Variants in RASSF8 observed in about 807,000 individuals in gnomAD.
RASSF8 encodes ras association domain-containing protein 8.
A neutral mutation model predicts 48.5 loss-of-function variants in RASSF8; 22 were observed. The ratio of observed to expected loss-of-function variants is 0.45; its 90% CI spans 0.32 to 0.65. The LOEUF (loss-of-function observed/expected upper bound fraction) is 0.65, where lower values mean the gene tolerates loss of function less well. Among genes scored for constraint, RASSF8 ranks in the 30% least tolerant of loss-of-function variants. The pLI is 0.03. For missense variants in RASSF8, 418 were observed against 489.2 expected (o/e 0.85, Z 1.37); for synonymous variants, 127 against 171.5 (o/e 0.74, Z 2.03).
chr12:26,058,269 A>C (rs1943654719), intron 3 of RASSF8, among the ~76,000 whole-genome samples: 1 of 152,222 alleles, frequency 6.6e-6, no homozygotes, highest in South Asian at 2.1e-4. Context: ...AGATGACTCC[A>C]CTGGCAAGTA....
Position 26,001,199 on chromosome 12 carries a change from A to ATT in RASSF8, c.-109+6084_-109+6085dup, listed in dbSNP as rs34731435. 3.1e-3 allele frequency among the ~76,000 whole-genome samples: 428 copies of ATT among 136,952 alleles called. 5 individuals carry two copies. Among genetic ancestry groups the ATT allele is most frequent in the South Asian group, 0.019 (84 of 4,364 alleles). 89.8% of individuals were successfully genotyped at this position (136,952 alleles called of 152,430 possible). On this transcript the variant is annotated intron_variant, in intron 2 of 5. Coordinates refer to ENST00000689635, the MANE Select transcript of RASSF8 (RefSeq NM_001394098.1). ...TTCCATCATACCCGGCTAATTTTTA[A>ATT]TTTTTTTTTTTTTTTTGTAGAAACA...
chr12:26,055,310 C>T lies in RASSF8; in HGVS notation c.-34C>T. On this transcript the variant is annotated 5_prime_UTR_variant, in exon 3 of 6. Transcript: ENST00000689635. ...ACATGACCTAACACCCTGATGACCACTCTCAGGGACCTTGAGTGACTGGCC... is the reference window on the plus strand; with the variant it reads ...ACATGACCTAACACCCTGATGACCATTCTCAGGGACCTTGAGTGACTGGCC... 3.9e-6 allele frequency: 6 copies of T among 1,554,226 alleles called. No individual in the cohort carries two copies. The highest frequency in any genetic ancestry group is 5.3e-6 in the Non-Finnish European group (6 of 1,125,502).
chr12:26,035,040 T>C (rs1565629349), intron 2 of RASSF8, among the ~76,000 whole-genome samples: 1 of 152,162 alleles, frequency 6.6e-6, no homozygotes, highest in Non-Finnish European at 1.5e-5. Context: ...CCCTATAAAC[T>C]TTAATAGACG....
At position 26,067,693 on chromosome 12, in the gene RASSF8, C is replaced by T. The variant is rs1943908221; in HGVS notation, c.1118C>T (p.Ser373Leu). 2 of 1,614,168 alleles carry T rather than the reference C, an allele frequency of 1.2e-6. No homozygotes were observed. Among genetic ancestry groups the T allele is most frequent in the African/African-American group, 1.3e-5 (1 of 75,044 alleles). The change falls in exon 5 of 6, where the codon TCA (serine) becomes TTA (leucine). Residue 373 changes from serine (S) to leucine (L), a missense_variant. Transcript: ENST00000689635. ...LPAEPIEIEA[S>L]HADIEREAPF... is the part of the protein sequence containing the mutation. ...GCGGAGCCCATTGAAATAGAGGCCTCACATGCAGACATTGAAAGGGGTAAG... is the reference window on the plus strand; with the variant it reads ...GCGGAGCCCATTGAAATAGAGGCCTTACATGCAGACATTGAAAGGGGTAAG...
chr12:26,047,757 C>T (rs1943402741), intron 2 of RASSF8, among the ~76,000 whole-genome samples: 1 of 152,220 alleles, frequency 6.6e-6, no homozygotes, highest in African/African-American at 2.4e-5. Context: ...GCCTGGGTCC[C>T]TTCAGGGCTG....
intron 4 of RASSF8, among the ~76,000 whole-genome samples, chr12:26,066,178 T>C (rs1943870230): frequency 6.6e-6 from 1 of 152,238 alleles, no homozygotes; most frequent in South Asian, 2.1e-4. Flanking sequence ...CAGTAGCTGC[T>C]GTACGGGCCG....
intron 2 of RASSF8, among the ~76,000 whole-genome samples, chr12:26,003,786 A>G (rs1477938591): frequency 6.6e-6 from 1 of 152,112 alleles, no homozygotes; most frequent in African/African-American, 2.4e-5. Context: ...ATATTTTTAA[A>G]AAAATCTAAG....
At chr12:26,000,268 TGTA>T (rs1182239789) in intron 2 of RASSF8, among the ~76,000 whole-genome samples, 1 of 152,132 alleles carries the variant, frequency 6.6e-6, no homozygotes, top group Non-Finnish European at 1.5e-5. Flanking sequence ...AATGTAAAAA[TGTA>T]GTAATACATA....
intron 2 of RASSF8, among the ~76,000 whole-genome samples, chr12:25,999,446 T>C (rs1312862149): frequency 1.3e-5 from 2 of 152,202 alleles, no homozygotes; most frequent in South Asian, 2.1e-4. Flanking sequence ...TTATCAGTAG[T>C]GTCTAAAATA....
At chr12:26,027,476 A>G (rs546469545) in intron 2 of RASSF8, among the ~76,000 whole-genome samples, 2 of 152,360 alleles carry the variant, frequency 1.3e-5, no homozygotes, top group African/African-American at 4.8e-5. Context: ...TGGCCTGACT[A>G]TAAAAATATT....
intron 2 of RASSF8, among the ~76,000 whole-genome samples, chr12:26,041,270 A>T (rs1943259556): frequency 6.6e-6 from 1 of 152,158 alleles, no homozygotes; most frequent in Admixed American, 6.5e-5. Context: ...GTTGAAACAC[A>T]AGCTGAGTTT....
intron 1 of RASSF8, among the ~76,000 whole-genome samples, chr12:25,971,579 GAAAA>G (rs759901394): frequency 1.4e-5 from 2 of 147,082 alleles, no homozygotes; most frequent in Non-Finnish European, 3.0e-5. Context: ...GGAAAAAAAA[GAAAA>G]AAAAAGAAGA....
Position 26,070,408 on chromosome 12 carries a change from C to T in RASSF8, c.*1590C>T. ...TTCTAGAGAACTGAAAGTCATAATGCAGAGTTGCCTTTTCTAGTGCAGCTA... is the reference window on the plus strand; with the variant it reads ...TTCTAGAGAACTGAAAGTCATAATGTAGAGTTGCCTTTTCTAGTGCAGCTA... On this transcript the variant is annotated 3_prime_UTR_variant, in exon 6 of 6. Coordinates refer to ENST00000689635, the MANE Select transcript of RASSF8 (RefSeq NM_001394098.1). 3 of 985,294 alleles carry T rather than the reference C, an allele frequency of 3.0e-6. No homozygotes were observed. The highest frequency in any genetic ancestry group is 3.6e-6 in the Non-Finnish European group (3 of 829,866). 61.0% of individuals were successfully genotyped at this position (985,294 alleles called of 1,614,324 possible). A position where few individuals can be genotyped will look rare whatever the true frequency, so the allele number is the denominator to read the frequency against.
Position 26,071,957 on chromosome 12 carries a change from C to G in RASSF8, c.*3139C>G, listed in dbSNP as rs2137344715. 1.0e-6 allele frequency: 1 copy of G among 985,366 alleles called. No homozygotes were observed. The highest frequency in any genetic ancestry group is 1.7e-5 in the African/African-American group (1 of 57,346). The allele number at this position is 985,366 out of a possible 1,614,324, so 61.0% of individuals were successfully genotyped here. ...TCTCTGTGAATAAGAGCAAAATGGT[C>G]TTCAGAGAAACAGACTGTTCATTTG... is the stretch of plus-strand genomic sequence containing the variant. On this transcript the variant is annotated 3_prime_UTR_variant, in exon 6 of 6. Coordinates refer to ENST00000689635, the MANE Select transcript of RASSF8 (RefSeq NM_001394098.1).
rs144948000 is a variant in RASSF8, at chr12:26,012,705, G to C, written c.-109+17575G>C. Among the ~76,000 whole-genome samples the C allele has an allele frequency of 8.4e-3, 1,142 of 135,750 alleles. 20 individuals carry two copies. The highest frequency in any genetic ancestry group is 0.03 in the African/African-American group (1,077 of 35,690). 89.1% of individuals were successfully genotyped at this position (135,750 alleles called of 152,430 possible). A position where few individuals can be genotyped will look rare whatever the true frequency, so the allele number is the denominator to read the frequency against. The stretch of plus-strand genomic sequence containing the variant: ...TTCTTTTTTTTTTTTTTTTGAGATA[G>C]GGTCTCACTCTGTTGCCCAGGCTAG... On this transcript the variant is annotated intron_variant, in intron 2 of 5. Coordinates refer to ENST00000689635, the MANE Select transcript of RASSF8 (RefSeq NM_001394098.1).
intron 2 of RASSF8, among the ~76,000 whole-genome samples, chr12:25,995,885 CAT>C (rs10577953): frequency 0.098 from 14,887 of 152,192 alleles, 764 homozygotes; most frequent in Middle Eastern, 0.15. Context: ...CGTGCTGTCT[CAT>C]AAATTCCTTA....
At chr12:26,065,728 T>G (rs1392811573) in intron 4 of RASSF8, among the ~76,000 whole-genome samples, 1 of 152,180 alleles carries the variant, frequency 6.6e-6, no homozygotes, top group Admixed American at 6.5e-5. Context: ...TGGCCAGGGA[T>G]TGTTGTGGCT....
intron 2 of RASSF8, among the ~76,000 whole-genome samples, chr12:26,015,766 G>A (rs1159822936): frequency 2.0e-5 from 3 of 152,136 alleles, no homozygotes; most frequent in African/African-American, 7.2e-5. Context: ...AAAAATAAAC[G>A]AAATTAAAGA....
chr12:26,019,821 G>T (rs1942745530), intron 2 of RASSF8, among the ~76,000 whole-genome samples: 1 of 152,032 alleles, frequency 6.6e-6, no homozygotes, highest in South Asian at 2.1e-4. Flanking sequence ...TTTTAATGCT[G>T]TATTTTAAAC....
Sources: gnomAD v4.1 joint callset for allele counts (sites outside exome capture counted in the v4.1 genomes callset) on GRCh38, gnomAD v4.1.1 for gene constraint, MANE v1.5 for transcripts, NCBI Gene and HGNC (gene_info 2026-07-23, HGNC 2026-07-21) for gene names.